FARS2: variants seen among roughly 807,000 people sequenced by gnomAD.
FARS2 encodes phenylalanyl-tRNA synthetase 2, mitochondrial.
A neutral mutation model predicts 46.4 loss-of-function variants in FARS2; 40 were observed. The ratio of observed to expected loss-of-function variants is 0.86; its 90% CI spans 0.67 to 1.12. The LOEUF is 1.12. FARS2 is among the 50% of genes most tolerant of loss of function. The probability of loss-of-function intolerance (pLI) is 0.00; values close to 1 mark genes in which losing one functional copy is unlikely to be tolerated. For synonymous variants in FARS2, 234 were observed against 214.9 expected (o/e 1.09, Z -0.78); for missense variants, 513 against 567.9 (o/e 0.90, Z 0.98).
At chr6:5,602,351 G>A (rs540248918) in intron 5 of FARS2, among the ~76,000 whole-genome samples, 77 of 152,192 alleles carry the variant, frequency 5.1e-4, no homozygotes, top group Admixed American at 2.7e-3. Context: ...GTCATGGAAC[G>A]ATAAAAGGAA....
At chr6:5,724,610 G>T (rs1340285819) in intron 6 of FARS2, among the ~76,000 whole-genome samples, 2 of 152,206 alleles carry the variant, frequency 1.3e-5, no homozygotes, top group Non-Finnish European at 2.9e-5. Context: ...TGCAGCCTGA[G>T]CCTGGTGCTC....
Position 5,376,036 on chromosome 6 carries a change from C to T in FARS2, c.612+6854C>T, listed in dbSNP as rs534081528. On this transcript the variant is annotated intron_variant, in intron 2 of 6. Coordinates refer to ENST00000274680, the MANE Select transcript of FARS2 (RefSeq NM_006567.5). ...TAATCAAAGTTATGAGACATTTCTACGTGCTGGGTGGAGATATTTGCTGTG... is the reference window on the plus strand; with the variant it reads ...TAATCAAAGTTATGAGACATTTCTATGTGCTGGGTGGAGATATTTGCTGTG... Among the ~76,000 whole-genome samples the T allele has an allele frequency of 7.9e-5, 12 of 152,230 alleles. No homozygotes were observed. In the East Asian group the frequency reaches 1.4e-3, roughly 17 times the overall value.
At chr6:5,253,593 G>C in the FARS2 span, among the ~76,000 whole-genome samples, 124,778 of 152,130 alleles carry the variant, frequency 0.82, 51,787 homozygotes, top group African/African-American at 0.95. Context: ...TGCTAACAAA[G>C]GTACAGTGCT....
At chr6:5,714,982 G>T (rs1232626254) in intron 6 of FARS2, among the ~76,000 whole-genome samples, 1 of 152,116 alleles carries the variant, frequency 6.6e-6, no homozygotes. Flanking sequence ...TGGAGATCGC[G>T]CCACTGCACT....
At chr6:5,432,372 T>C (rs1763254166) in intron 4 of FARS2, among the ~76,000 whole-genome samples, 1 of 124,432 alleles carries the variant, frequency 8.0e-6, no homozygotes, top group Admixed American at 9.8e-5. Context: ...TAATATATTA[T>C]ATATTTATAT....
rs1011530049 is a variant in FARS2 at position 5,360,624 on chromosome 6, G to A, written c.-21-7926G>A. On this transcript the variant is annotated intron_variant, in intron 1 of 6. Transcript: ENST00000274680. ...GCTTCCTGGTGATCTTATTATTTGC[G>A]TATTACACAAAGTCCCTGTAAGAAT... Among the ~76,000 whole-genome samples the A allele has an allele frequency of 3.3e-5, 5 of 152,090 alleles. No homozygotes were observed. In the South Asian group the frequency reaches 6.2e-4, roughly 19 times the overall value.
At chr6:5,441,933 A>G (rs1033924750) in intron 4 of FARS2, among the ~76,000 whole-genome samples, 2 of 152,066 alleles carry the variant, frequency 1.3e-5, no homozygotes, top group Non-Finnish European at 2.9e-5. Context: ...TGGCAGTCTG[A>G]TACGTTTAAA....
intron 4 of FARS2, among the ~76,000 whole-genome samples, chr6:5,466,283 C>T (rs1765509898): frequency 1.3e-5 from 2 of 152,166 alleles, no homozygotes; most frequent in Non-Finnish European, 2.9e-5. Flanking sequence ...CTTTTCCATT[C>T]CTATCCCCAA....
chr6:5,496,084 A>C (rs1426501302), intron 4 of FARS2, among the ~76,000 whole-genome samples: 1 of 152,042 alleles, frequency 6.6e-6, no homozygotes, highest in Non-Finnish European at 1.5e-5. Context: ...TAATTCTTCT[A>C]CTTTCTTCCC....
At chr6:5,409,058 T>G (rs2032985) in intron 3 of FARS2, among the ~76,000 whole-genome samples, 83,704 of 152,050 alleles carry the variant, frequency 0.55, 23,493 homozygotes, top group African/African-American at 0.66. Context: ...AATGCAGATG[T>G]CAGGTTTCCT....
At chr6:5,560,457 TTTTG>T (rs1771921861) in intron 5 of FARS2, among the ~76,000 whole-genome samples, 1 of 152,062 alleles carries the variant, frequency 6.6e-6, no homozygotes, top group African/African-American at 2.4e-5. Flanking sequence ...TACTTGTAGA[TTTTG>T]TTTGTTAATA....
chr6:5,711,459 A>G (rs1759159636), intron 6 of FARS2, among the ~76,000 whole-genome samples: 1 of 152,170 alleles, frequency 6.6e-6, no homozygotes, highest in African/African-American at 2.4e-5. Flanking sequence ...AAGGGAGGAA[A>G]GAAAGTAACT....
intron 4 of FARS2, among the ~76,000 whole-genome samples, chr6:5,454,975 CTTTA>C (rs1764755492): frequency 1.3e-5 from 2 of 152,296 alleles, no homozygotes; most frequent in East Asian, 3.9e-4. Flanking sequence ...GTGATTATGT[CTTTA>C]TTTAATGTCA....
At chr6:5,627,661 T>G (rs1048679707) in intron 6 of FARS2, among the ~76,000 whole-genome samples, 4 of 152,254 alleles carry the variant, frequency 2.6e-5, no homozygotes, top group African/African-American at 9.6e-5. Context: ...TATCAATTAC[T>G]GGGTCTTTAG....
intron 4 of FARS2, among the ~76,000 whole-genome samples, chr6:5,493,446 T>G (rs1313167875): frequency 6.6e-6 from 1 of 152,170 alleles, no homozygotes; most frequent in Non-Finnish European, 1.5e-5. Flanking sequence ...AAAACATTGA[T>G]AGAACAAATG....
intron 6 of FARS2, among the ~76,000 whole-genome samples, chr6:5,694,333 A>C (rs1258585834): frequency 6.6e-6 from 1 of 152,190 alleles, no homozygotes; most frequent in Non-Finnish European, 1.5e-5. Context: ...TCAACCAAAA[A>C]AGCTACTGCC....
At chr6:5,405,241 CAA>C (rs915537786) in intron 3 of FARS2, among the ~76,000 whole-genome samples, 1 of 152,066 alleles carries the variant, frequency 6.6e-6, no homozygotes, top group South Asian at 2.1e-4. Flanking sequence ...GTGCGTGAAA[CAA>C]AGTTTTGACT....
intron 1 of FARS2, among the ~76,000 whole-genome samples, chr6:5,316,306 A>G (rs998318884): frequency 2.0e-5 from 3 of 152,254 alleles, no homozygotes; most frequent in African/African-American, 7.2e-5. Context: ...TGAAACAAAC[A>G]TATGTTTTGG....
intron 3 of FARS2, among the ~76,000 whole-genome samples, chr6:5,411,075 A>G (rs1761916910): frequency 6.6e-6 from 1 of 152,186 alleles, no homozygotes; most frequent in Non-Finnish European, 1.5e-5. Flanking sequence ...AGAGACTGTG[A>G]GGCCTATAAA....
Sources: gnomAD v4.1 joint callset for allele counts (sites outside exome capture counted in the v4.1 genomes callset) on GRCh38, gnomAD v4.1.1 for gene constraint, MANE v1.5 for transcripts, NCBI Gene and HGNC (gene_info 2026-07-23, HGNC 2026-07-21) for gene names.